The following AMBRA1 variants were observed in gnomAD, a reference collection of about 807,000 sequenced individuals.
AMBRA1 encodes activating molecule in BECN1-regulated autophagy protein 1.
A neutral mutation model predicts 125.4 loss-of-function variants in AMBRA1; 47 were observed. The ratio of observed to expected loss-of-function variants is 0.37; its 90% CI spans 0.30 to 0.48. AMBRA1 has a LOEUF of 0.48. Among genes scored for constraint, AMBRA1 ranks in the 20% least tolerant of loss-of-function variants. The pLI is 0.99. For synonymous variants in AMBRA1, 626 were observed against 655.5 expected, an observed-to-expected ratio of 0.95 and a Z score of 0.69; for missense variants, 1,331 against 1,693.4, an observed-to-expected ratio of 0.79 and a Z score of 3.76.
chr11:46,475,001 G>A (rs1352915124), intron 11 of AMBRA1, among the ~76,000 whole-genome samples: 1 of 152,162 alleles, frequency 6.6e-6, no homozygotes, highest in African/African-American at 2.4e-5. Flanking sequence ...GTTCCCATAG[G>A]ATCAACCTGA....
chr11:46,591,232 C>G (rs1385807526), intron 1 of AMBRA1: 2 of 152,180 alleles, frequency 1.3e-5, no homozygotes, highest in East Asian at 3.8e-4. Flanking sequence ...ATGTTGCTTT[C>G]TTCTCTACAT....
intron 11 of AMBRA1, among the ~76,000 whole-genome samples, chr11:46,479,719 G>A (rs538874321): frequency 9.2e-5 from 14 of 152,286 alleles, no homozygotes; most frequent in African/African-American, 3.4e-4. Flanking sequence ...GAGACACTAT[G>A]TGAAGAAGCA....
At chr11:46,422,970 G>A (rs1946922716) in intron 14 of AMBRA1, among the ~76,000 whole-genome samples, 1 of 152,176 alleles carries the variant, frequency 6.6e-6, no homozygotes, top group Admixed American at 6.5e-5. Flanking sequence ...GGGGCTTTGA[G>A]GAAGAAAGGA....
intron 14 of AMBRA1, among the ~76,000 whole-genome samples, chr11:46,426,000 A>G (rs1405245188): frequency 1.4e-5 from 2 of 144,344 alleles, no homozygotes; most frequent in Non-Finnish European, 3.0e-5. Flanking sequence ...CAAAAAAATT[A>G]GCTGGGCGTG....
chr11:46,476,761 C>T (rs748220944), intron 11 of AMBRA1, among the ~76,000 whole-genome samples: 14 of 152,300 alleles, frequency 9.2e-5, no homozygotes, highest in South Asian at 4.1e-4. Context: ...CTTTTATAAG[C>T]TCTCAGTTAG....
At chr11:46,518,198 G>C in intron 7 of AMBRA1, 1 of 468,454 alleles carries the variant, frequency 2.1e-6, no homozygotes, top group Non-Finnish European at 2.8e-6. Context: ...GGGAGGCCGA[G>C]GTGGGCAGAT....
chr11:46,526,666 C>G (rs1161432863), intron 7 of AMBRA1, among the ~76,000 whole-genome samples: 1 of 151,358 alleles, frequency 6.6e-6, no homozygotes, highest in East Asian at 1.9e-4. Flanking sequence ...CCAGATGACT[C>G]TAGAGAAAAC....
In AMBRA1 at chr11:46,470,290, A is replaced by T. The variant is rs984942616; in HGVS notation, c.2521+23318T>A. Among the ~76,000 whole-genome samples the T allele has an allele frequency of 3.9e-5, 6 of 152,158 alleles. No individual in the cohort carries two copies. The East Asian group carries it at 5.8e-4, about 15-fold the overall frequency. ...ACCCCATATCTACAAAAAATTTTTT[A>T]AAAAATCAGCCAGGTTGGCCGGGCG... On this transcript the variant is annotated intron_variant, in intron 11 of 17. Coordinates refer to ENST00000683756, the MANE Select transcript of AMBRA1 (RefSeq NM_001387011.1).
intron 17 of AMBRA1, among the ~76,000 whole-genome samples, chr11:46,398,499 T>C (rs757235775): frequency 1.2e-4 from 19 of 152,204 alleles, no homozygotes; most frequent in South Asian, 2.1e-4. Context: ...TATTGATTGA[T>C]TGATTGATGG....
chr11:46,575,511 C>T (rs1367388257), intron 1 of AMBRA1, among the ~76,000 whole-genome samples: 59 of 138,206 alleles, frequency 4.3e-4, no homozygotes, highest in Middle Eastern at 7.4e-3. Flanking sequence ...TTTTTTCTTT[C>T]CTTTTTTTTT....
chr11:46,456,625 G>A (rs968643353), intron 11 of AMBRA1, among the ~76,000 whole-genome samples: 7 of 152,238 alleles, frequency 4.6e-5, no homozygotes, highest in Admixed American at 3.3e-4. Flanking sequence ...TTAAATTGCT[G>A]AGACTCCCGC....
In AMBRA1 at chr11:46,408,528, A is replaced by AGGCGGCTGTCCCTGGCTCCGGC. The variant is rs1179739816; in HGVS notation, c.3366_3387dup (p.Ser1130AlafsTer12). Reference sequence around the variant, plus strand: ...TGGCTCCTACCTTCACCAGGACCTGAGGCGGCTGTCCCTGGCTCCGGCACC... The same window carrying AGGCGGCTGTCCCTGGCTCCGGC: ...TGGCTCCTACCTTCACCAGGACCTGAGGCGGCTGTCCCTGGCTCCGGCGGCGGCTGTCCCTGGCTCCGGCACC... On this transcript the variant is annotated frameshift_variant, in exon 17 of 18. Coordinates refer to ENST00000683756, the MANE Select transcript of AMBRA1 (RefSeq NM_001387011.1). LOFTEE classifies it high-confidence loss of function. 1.9e-6 allele frequency: 3 copies of AGGCGGCTGTCCCTGGCTCCGGC among 1,571,518 alleles called. No homozygotes were observed. The highest frequency in any genetic ancestry group is 2.6e-6 in the Non-Finnish European group (3 of 1,155,272).
chr11:46,544,015 T>A lies in AMBRA1; in HGVS notation c.578A>T (p.His193Leu), dbSNP rs1591077950. Reference sequence around the variant, plus strand: ...GTTAACAATTGCTGTGAGTAAGTAGTGTCCAAGTGGATCAAATCTCACCAG... The same window carrying A: ...GTTAACAATTGCTGTGAGTAAGTAGAGTCCAAGTGGATCAAATCTCACCAG... ...VRLVRFDPLG[H>L]YLLTAIVNPS... Residue 193 changes from histidine (H) to leucine (L), a missense_variant, in exon 6 of 18, where the codon CAC (histidine) becomes CTC (leucine). By Grantham distance (99) the His-to-Leu change is moderately conservative. Transcript: ENST00000683756. 3.1e-6 allele frequency: 5 copies of A among 1,614,020 alleles called. No homozygotes were observed. In the East Asian group the frequency reaches 1.1e-4, roughly 36 times the overall value.
At chr11:46,487,445 C>T (rs1049240961) in intron 11 of AMBRA1, among the ~76,000 whole-genome samples, 1 of 151,754 alleles carries the variant, frequency 6.6e-6, no homozygotes, top group African/African-American at 2.4e-5. Context: ...TTTCCCACAC[C>T]AGGCAACAAA....
chr11:46,516,448 T>TA (rs1215692496), intron 7 of AMBRA1, among the ~76,000 whole-genome samples: 1 of 140,666 alleles, frequency 7.1e-6, no homozygotes, highest in Non-Finnish European at 1.5e-5. Context: ...TTTTTTTTTT[T>TA]GAGACGGTGT....
At chr11:46,592,182 G>C (rs2044624855) in intron 1 of AMBRA1, among the ~76,000 whole-genome samples, 1 of 151,850 alleles carries the variant, frequency 6.6e-6, no homozygotes, top group Non-Finnish European at 1.5e-5. Context: ...TGATCCACCT[G>C]CCTTGGCCTC....
At chr11:46,569,440 A>AAAAAAAAAATATAT (rs1477022124) in intron 1 of AMBRA1, among the ~76,000 whole-genome samples, 2 of 131,386 alleles carry the variant, frequency 1.5e-5, no homozygotes, top group African/African-American at 5.9e-5. Context: ...AAAAAAAAAA[A>AAAAAAAAAATATAT]ATATATATAT....
chr11:46,434,946 G>A lies in AMBRA1; in HGVS notation c.2724C>T (p.Ile908=). 1 of 1,614,054 alleles carries A rather than the reference G, an allele frequency of 6.2e-7. No homozygotes were observed. The highest frequency in any genetic ancestry group is 8.5e-7 in the Non-Finnish European group (1 of 1,179,974). ...CAGGAAAGCCCCTCTGGCTGCTGGGGATGAAAGCTGCCAGGAGCTGGCCAT... is the reference window on the plus strand; with the variant it reads ...CAGGAAAGCCCCTCTGGCTGCTGGGAATGAAAGCTGCCAGGAGCTGGCCAT... The part of the protein sequence containing the change: ...SADGQLLAAF[I]PSSQRGFPDE... Residue 908 remains isoleucine, a synonymous_variant, in exon 13 of 18, where the codon ATC becomes ATT. Coordinates refer to ENST00000683756, the MANE Select transcript of AMBRA1 (RefSeq NM_001387011.1).
intron 7 of AMBRA1, among the ~76,000 whole-genome samples, chr11:46,539,992 C>T (rs1355657626): frequency 2.0e-5 from 3 of 152,046 alleles, no homozygotes; most frequent in East Asian, 3.9e-4. Flanking sequence ...CCACCAAGCC[C>T]GGCTAATTTT....
Sources: gnomAD v4.1 joint callset for allele counts (sites outside exome capture counted in the v4.1 genomes callset) on GRCh38, gnomAD v4.1.1 for gene constraint, MANE v1.5 for transcripts, NCBI Gene and HGNC (gene_info 2026-07-23, HGNC 2026-07-21) for gene names.